Variants in PCDHA4 observed in about 807,000 individuals in gnomAD.
PCDHA4 encodes the protein protocadherin alpha 4, also known as protocadherin alpha-4.
PCDHA4 carries 49 observed loss-of-function variants against 61.4 expected under a neutral mutation model. The observed-to-expected ratio is 0.80, with a 90% CI of 0.63 to 1.01. The LOEUF (loss-of-function observed/expected upper bound fraction) is 1.01. Ranked by LOEUF, PCDHA4 falls within the 50% of genes least tolerant of loss-of-function variation. PCDHA4 has a pLI of 0.00. For missense variants in PCDHA4, 1,254 were observed against 1,235.8 expected, an observed-to-expected ratio of 1.01 and a Z score of -0.22; for synonymous variants, 590 against 550.3, an observed-to-expected ratio of 1.07 and a Z score of -1.01.
chr5:140,823,110 C>A (rs2150122404), intron 1 of PCDHA4: 1 of 1,614,002 alleles, frequency 6.2e-7, no homozygotes, highest in East Asian at 2.2e-5. Flanking sequence ...TGGAAGTGGC[C>A]GACGTGAACG....
intron 1 of PCDHA4, among the ~76,000 whole-genome samples, chr5:140,913,431 C>G (rs1554195920): frequency 6.6e-6 from 1 of 152,036 alleles, no homozygotes; most frequent in African/African-American, 2.4e-5. Flanking sequence ...AGTTGTAATG[C>G]CTCCTTTTTC....
chr5:140,894,113 G>C (rs1239376474), intron 1 of PCDHA4, among the ~76,000 whole-genome samples: 1 of 152,072 alleles, frequency 6.6e-6, no homozygotes, highest in Non-Finnish European at 1.5e-5. Context: ...TTGCAGATGA[G>C]AAGTTTCAAA....
At chr5:140,958,746 G>A (rs946339571) in intron 1 of PCDHA4, among the ~76,000 whole-genome samples, 3 of 152,184 alleles carry the variant, frequency 2.0e-5, no homozygotes, top group African/African-American at 7.2e-5. Context: ...AGAGAGAAAG[G>A]AGATTTTTAC....
At chr5:140,823,676 G>C in intron 1 of PCDHA4, 3 of 1,614,042 alleles carry the variant, frequency 1.9e-6, no homozygotes, top group Non-Finnish European at 2.5e-6. Flanking sequence ...AGCACAACAC[G>C]CTCTCTGGAT....
chr5:140,877,372 A>T, intron 1 of PCDHA4: 6 of 1,613,992 alleles, frequency 3.7e-6, no homozygotes, highest in Non-Finnish European at 5.1e-6. Flanking sequence ...GATCAGCACG[A>T]CACGCATCCT....
rs1779165164 is a variant in PCDHA4, at chr5:140,843,975, T to C, written c.2385+34403T>C. ...TTTTTACTGAATATTTATTTTGGCCTGCCTTACAGCCGTCTTCTCTGAACA... is the reference window on the plus strand; with the variant it reads ...TTTTTACTGAATATTTATTTTGGCCCGCCTTACAGCCGTCTTCTCTGAACA... On this transcript the variant is annotated intron_variant, in intron 1 of 3. Transcript: ENST00000530339. 1.3e-5 allele frequency among the ~76,000 whole-genome samples: 2 copies of C among 149,640 alleles called. 1 individual carries two copies. The highest frequency in any genetic ancestry group is 3.0e-5 in the Non-Finnish European group (2 of 66,898).
At chr5:140,980,278 GA>G (rs1351425532) in intron 2 of PCDHA4, among the ~76,000 whole-genome samples, 1 of 152,166 alleles carries the variant, frequency 6.6e-6, no homozygotes, top group Non-Finnish European at 1.5e-5. Flanking sequence ...ACCAACTCTT[GA>G]AAAGTACCAA....
intron 1 of PCDHA4, chr5:140,834,444 C>G: frequency 6.2e-7 from 1 of 1,614,020 alleles, no homozygotes; most frequent in Non-Finnish European, 8.5e-7. Flanking sequence ...TATTATAATT[C>G]TAGCAGCTTG....
At chr5:140,927,540 C>T (rs1376391756) in intron 1 of PCDHA4, 6 of 1,614,136 alleles carry the variant, frequency 3.7e-6, no homozygotes, top group African/African-American at 2.7e-5. Flanking sequence ...GCTCAGGAGA[C>T]GCACAAGTCA....
At position 140,808,870 on chromosome 5, in the gene PCDHA4, C is replaced by G; in HGVS notation, c.1683C>G (p.Asn561Lys). The G allele has an allele frequency of 1.9e-6, 3 of 1,613,180 alleles. No homozygotes were observed. Among genetic ancestry groups the G allele is most frequent in the Non-Finnish European group, 2.5e-6 (3 of 1,179,908 alleles). The change falls in exon 1 of 4, where the codon AAC becomes AAG. Residue 561 changes from asparagine (N) to lysine (K), a missense_variant. Transcript: ENST00000530339. ...LQVFVLDENDNAPALLAPRAG... is the reference protein window; with the variant it reads ...LQVFVLDENDKAPALLAPRAG... ...TGTTCGTGCTGGACGAAAACGACAA[C>G]GCGCCAGCACTGCTAGCGCCTCGGG...
chr5:140,824,289 CT>C, intron 1 of PCDHA4: 1 of 983,136 alleles, frequency 1.0e-6, no homozygotes, highest in Non-Finnish European at 1.5e-6. Flanking sequence ...TTTTATGAGG[CT>C]TTTCTGCTGG....
intron 1 of PCDHA4, among the ~76,000 whole-genome samples, chr5:140,977,204 A>G (rs1051271481): frequency 9.9e-5 from 15 of 152,170 alleles, no homozygotes; most frequent in Non-Finnish European, 1.6e-4. Context: ...AGTTGCAGCA[A>G]TTTTCATCAT....
At chr5:140,837,117 T>C (rs1774919883) in intron 1 of PCDHA4, 1 of 157,306 alleles carries the variant, frequency 6.4e-6, no homozygotes, top group African/African-American at 2.4e-5. Flanking sequence ...ATATGTTACC[T>C]AATATTTTAT....
chr5:140,987,149 G>A (rs1380803903), intron 3 of PCDHA4, among the ~76,000 whole-genome samples: 1 of 151,884 alleles, frequency 6.6e-6, no homozygotes, highest in African/African-American at 2.4e-5. Context: ...GGGAGGTGGA[G>A]GTTGCAGTGA....
intron 3 of PCDHA4, among the ~76,000 whole-genome samples, chr5:140,994,353 C>T (rs1321687113): frequency 6.6e-6 from 1 of 152,110 alleles, no homozygotes; most frequent in East Asian, 1.9e-4. Flanking sequence ...TGTGGGACCT[C>T]AGAAGATGGA....
intron 3 of PCDHA4, among the ~76,000 whole-genome samples, chr5:141,007,395 C>CAAAAAAAAAAAAAA (rs35800918): frequency 1.1e-5 from 1 of 94,866 alleles, no homozygotes; most frequent in Non-Finnish European, 2.1e-5. Context: ...TACTAAAATA[C>CAAAAAAAAAAAAAA]AAAAAAAAAA....
intron 1 of PCDHA4, chr5:140,850,066 A>G (rs1554143711): frequency 6.3e-7 from 1 of 1,596,292 alleles, no homozygotes; most frequent in African/African-American, 1.3e-5. Flanking sequence ...CAGCCGTTGG[A>G]CCACGAGGAG....
chr5:140,979,414 T>C (rs1410205907), intron 2 of PCDHA4, among the ~76,000 whole-genome samples: 1 of 152,242 alleles, frequency 6.6e-6, no homozygotes, highest in African/African-American at 2.4e-5. Flanking sequence ...CCTTGTTTTT[T>C]TTTTAATCTC....
chr5:140,882,265 T>A (rs782012488), intron 1 of PCDHA4: 2 of 1,609,948 alleles, frequency 1.2e-6, no homozygotes, highest in African/African-American at 2.7e-5. Flanking sequence ...TTTTGGAGTG[T>A]ACCATGCTGT....
Sources: gnomAD v4.1 joint callset for allele counts (sites outside exome capture counted in the v4.1 genomes callset) on GRCh38, gnomAD v4.1.1 for gene constraint, MANE v1.5 for transcripts, NCBI Gene and HGNC (gene_info 2026-07-23, HGNC 2026-07-21) for gene names.